ARHGAP11A: variants seen among roughly 807,000 people sequenced by gnomAD.
The protein encoded by ARHGAP11A is Rho GTPase activating protein 11A.
Under a neutral mutation model 60.5 loss-of-function variants are expected in ARHGAP11A, and 36 were observed. That is an observed-to-expected ratio of 0.59 (90% CI 0.46 to 0.79). The LOEUF (loss-of-function observed/expected upper bound fraction) is 0.79, where lower values mean the gene tolerates loss of function less well. Ranked by LOEUF, ARHGAP11A falls within the 30% of genes least tolerant of loss-of-function variation. The pLI is 0.00. For synonymous variants in ARHGAP11A, 362 were observed against 415.5 expected, an observed-to-expected ratio of 0.87 and a Z score of 1.57; for missense variants, 1,071 against 1,199.2, an observed-to-expected ratio of 0.89 and a Z score of 1.58.
chr15:32,617,223 A>T (rs2053175253), intron 1 of ARHGAP11A, among the ~76,000 whole-genome samples: 1 of 152,164 alleles, frequency 6.6e-6, no homozygotes, highest in African/African-American at 2.4e-5. Context: ...GTTTCTTAAA[A>T]AAAGTGCTTG....
chr15:32,625,789 T>C (rs1053538283), intron 6 of ARHGAP11A, among the ~76,000 whole-genome samples, 156 bp downstream of exon 6: 11 of 152,336 alleles, frequency 7.2e-5, no homozygotes, highest in African/African-American at 2.6e-4. Flanking sequence ...AAAGCGATAG[T>C]ACAATCTAAT....
chr15:32,619,162 CAT>C (rs139893879), intron 1 of ARHGAP11A, among the ~76,000 whole-genome samples: 2,750 of 152,218 alleles, frequency 0.018, 97 homozygotes, highest in African/African-American at 0.063. Flanking sequence ...GCTCATAAAA[CAT>C]AAATACTTCT....
intron 1 of ARHGAP11A, among the ~76,000 whole-genome samples, chr15:32,618,772 G>A (rs1044606864): frequency 1.2e-4 from 5 of 41,978 alleles, no homozygotes; most frequent in African/African-American, 4.0e-4. Context: ...CCCCCCCCCC[G>A]CCCCACGTCT....
chr15:32,636,246 C>T lies in ARHGAP11A; in HGVS notation c.1484-11C>T, dbSNP rs1224113919. On this transcript the variant is annotated splice_polypyrimidine_tract_variant and intron_variant, in intron 11 of 11. Transcript: ENST00000361627. Reference sequence around the variant, plus strand: ...ATACAAAGGATTAAGCACTGAACTGCTTTATTTTAGGTTCAGAAAAGATCA... The same window carrying T: ...ATACAAAGGATTAAGCACTGAACTGTTTTATTTTAGGTTCAGAAAAGATCA... 1.3e-6 allele frequency: 2 copies of T among 1,573,888 alleles called. No homozygotes were observed. The highest frequency in any genetic ancestry group is 2.0e-5 in the Admixed American group (1 of 50,860).
intron 1 of ARHGAP11A, among the ~76,000 whole-genome samples, chr15:32,618,461 T>G (rs780388048): frequency 2.0e-5 from 3 of 152,254 alleles, no homozygotes; most frequent in Non-Finnish European, 4.4e-5. Context: ...ATGATCATAA[T>G]ATTAACAAAT....
At chr15:32,620,283 A>G in intron 2 of ARHGAP11A, 105 bp downstream of exon 2, 1 of 1,590,110 alleles carries the variant, frequency 6.3e-7, no homozygotes. Flanking sequence ...CCAGGAGCTT[A>G]AGACCAGCCT....
At chr15:32,616,402 C>A in intron 1 of ARHGAP11A, 62 bp downstream of exon 1, 1 of 1,607,306 alleles carries the variant, frequency 6.2e-7, no homozygotes, top group Non-Finnish European at 8.5e-7. Context: ...TCATCACTTA[C>A]TACCAGATCG....
In ARHGAP11A at chr15:32,639,160, A is replaced by G. The variant is rs1208356361; in HGVS notation, c.*1315A>G. On this transcript the variant is annotated 3_prime_UTR_variant, in exon 12 of 12. Coordinates refer to ENST00000361627, the MANE Select transcript of ARHGAP11A (RefSeq NM_014783.6). ...ATTACAAATTACACATCTTTGAGGA[A>G]AGAGTATTATGAACAATAGAACATA... 6.6e-6 allele frequency: 1 copy of G among 152,570 alleles called. No individual in the cohort carries two copies. The highest frequency in any genetic ancestry group is 6.5e-5 in the Admixed American group (1 of 15,282). The allele number at this position is 152,570 out of a possible 1,614,324, so 9.5% of individuals were successfully genotyped here. A position where few individuals can be genotyped will look rare whatever the true frequency, so the allele number is the denominator to read the frequency against.
intron 1 of ARHGAP11A, among the ~76,000 whole-genome samples, chr15:32,617,471 C>CTTTTTTT (rs1168851603): frequency 3.9e-5 from 4 of 102,010 alleles, no homozygotes; most frequent in African/African-American, 7.5e-5. Flanking sequence ...TTTTCTTTTC[C>CTTTTTTT]TTTTTTTTTT....
At chr15:32,617,771 C>G (rs890600924) in intron 1 of ARHGAP11A, among the ~76,000 whole-genome samples, 1 of 152,162 alleles carries the variant, frequency 6.6e-6, no homozygotes, top group Non-Finnish European at 1.5e-5. Flanking sequence ...TGCACTCGGC[C>G]TTTTCACCGC....
At chr15:32,627,254 G>T (rs1446456567) in intron 6 of ARHGAP11A, among the ~76,000 whole-genome samples, 1 of 151,860 alleles carries the variant, frequency 6.6e-6, no homozygotes, top group Non-Finnish European at 1.5e-5. Context: ...GTTTTGAAAT[G>T]ACCATCTTTA....
At chr15:32,617,640 T>G (rs1216748158) in intron 1 of ARHGAP11A, among the ~76,000 whole-genome samples, 1 of 151,918 alleles carries the variant, frequency 6.6e-6, no homozygotes, top group Non-Finnish European at 1.5e-5. Flanking sequence ...CCTGGCTAAT[T>G]TTTTGTATTT....
rs532833571 is a variant in ARHGAP11A, at chr15:32,633,837, T to C, written c.1236-96T>C. On this transcript the variant is annotated intron_variant, in intron 9 of 11. Transcript: ENST00000361627. Reference sequence around the variant, plus strand: ...TATTAATCCATCCAATTATTATCAATATGATTTGCTGTGGACTTTATTTCA... The same window carrying C: ...TATTAATCCATCCAATTATTATCAACATGATTTGCTGTGGACTTTATTTCA... 4.1e-5 allele frequency: 29 copies of C among 702,888 alleles called. 1 individual carries two copies. The South Asian group carries it at 5.4e-4, about 13-fold the overall frequency. The allele number at this position is 702,888 out of a possible 1,614,324, so 43.5% of individuals were successfully genotyped here.
At chr15:32,627,047 G>A (rs2053475176) in intron 6 of ARHGAP11A, among the ~76,000 whole-genome samples, 1 of 152,288 alleles carries the variant, frequency 6.6e-6, no homozygotes, top group South Asian at 2.1e-4. Context: ...TTTCTCAGAT[G>A]CAGATCATCT....
At chr15:32,620,486 A>C (rs1028352459) in intron 2 of ARHGAP11A, among the ~76,000 whole-genome samples, 9 of 151,842 alleles carry the variant, frequency 5.9e-5, no homozygotes, top group African/African-American at 2.2e-4. Flanking sequence ...TAGAGAGTTT[A>C]AAAGAAATAG....
At position 32,637,478 on chromosome 15, in the gene ARHGAP11A, A is replaced by T. The variant is rs768524814; in HGVS notation, c.2705A>T (p.Glu902Val). Residue 902 changes from glutamate (E) to valine (V), a missense_variant, in exon 12 of 12, where the codon GAA becomes GTA. Physicochemically the swap from Glu to Val is moderately radical, Grantham distance 121. This residue lies in a region of ARHGAP11A where 776 missense variants were observed against 760.2 expected (regional missense o/e 1.02). Transcript: ENST00000361627. Reference protein sequence around the residue: ...SVSCIKSGPKEQKSMSCEESN... With the variant: ...SVSCIKSGPKVQKSMSCEESN... Reference sequence around the variant, plus strand: ...TCATGTATCAAATCAGGTCCTAAAGAACAGAAGTCCATGTCATGTGAAGAG... The same window carrying T: ...TCATGTATCAAATCAGGTCCTAAAGTACAGAAGTCCATGTCATGTGAAGAG... 6.2e-6 allele frequency: 10 copies of T among 1,614,012 alleles called. No homozygotes were observed. In the South Asian group the frequency reaches 1.1e-4, roughly 18 times the overall value.
In ARHGAP11A at chr15:32,636,511, A is replaced by G. The variant is rs201097638; in HGVS notation, c.1738A>G (p.Thr580Ala). Residue 580 changes from threonine (T) to alanine (A), a missense_variant, in exon 12 of 12, where the codon ACA becomes GCA. Physicochemically the swap from Thr to Ala is moderately conservative, Grantham distance 58. Around this residue, in one of 4 missense-constraint regions of ARHGAP11A, gnomAD observed 776 missense variants for 760.2 expected, o/e 1.02. Coordinates refer to ENST00000361627, the MANE Select transcript of ARHGAP11A (RefSeq NM_014783.6). ...AAACAATAAGCATAATAGCAACATA[A>G]CAAGTAGCCCTCTTAGCGGGGATGA... ...NLNNKHNSNI[T>A]SSPLSGDENN... The G allele has an allele frequency of 2.5e-6, 4 of 1,614,086 alleles. No homozygotes were observed. In the East Asian group the frequency reaches 6.7e-5, roughly 27 times the overall value.
intron 8 of ARHGAP11A, among the ~76,000 whole-genome samples, 163 bp downstream of exon 8, chr15:32,629,925 G>C (rs758460041): frequency 7.1e-6 from 1 of 140,906 alleles, no homozygotes; most frequent in African/African-American, 2.8e-5. Flanking sequence ...TTTTAAAATA[G>C]ACACTGTTTC....
chr15:32,615,841 G>A lies in ARHGAP11A; in HGVS notation c.-371G>A, dbSNP rs1466219848. The stretch of plus-strand genomic sequence containing the variant: ...CGGGGACAGTAAGGTTTGGAGGAAG[G>A]GGGATCGTTGGAAGTAGCAAGAAGT... On this transcript the variant is annotated 5_prime_UTR_variant, in exon 1 of 12. Transcript: ENST00000361627. 4.1e-6 allele frequency: 1 copy of A among 245,482 alleles called. No individual in the cohort carries two copies. The highest frequency in any genetic ancestry group is 7.9e-6 in the Non-Finnish European group (1 of 126,090). The allele number at this position is 245,482 out of a possible 1,614,324, so 15.2% of individuals were successfully genotyped here.
Sources: gnomAD v4.1 joint callset for allele counts (sites outside exome capture counted in the v4.1 genomes callset) on GRCh38, gnomAD v4.1.1 for gene constraint, gnomAD v4.1.1 regional missense constraint, MANE v1.5 for transcripts, NCBI Gene and HGNC (gene_info 2026-07-23, HGNC 2026-07-21) for gene names.